The following ZKSCAN3 variants were observed in gnomAD, a reference collection of about 807,000 sequenced individuals.
ZKSCAN3 encodes zinc finger with KRAB and SCAN domains 3.
Under a neutral mutation model 30.7 loss-of-function variants are expected in ZKSCAN3, and 21 were observed. The ratio of observed to expected loss-of-function variants is 0.68; its 90% confidence interval spans 0.49 to 0.99. ZKSCAN3 has a LOEUF of 0.99. Ranked by LOEUF, ZKSCAN3 falls within the 50% of genes least tolerant of loss-of-function variation. The pLI is 0.00. For missense variants in ZKSCAN3, 507 were observed against 647.1 expected (o/e 0.78, Z 2.35); for synonymous variants, 201 against 246.7 (o/e 0.81, Z 1.73).
At chr6:28,364,919 G>T (rs924581328) in intron 5 of ZKSCAN3, among the ~76,000 whole-genome samples, 1 of 151,934 alleles carries the variant, frequency 6.6e-6, no homozygotes, top group African/African-American at 2.4e-5. Flanking sequence ...ATAGAGATGG[G>T]GTTTCACCAT....
intron 4 of ZKSCAN3, 113 bp downstream of exon 4, chr6:28,363,498 C>A: frequency 2.3e-6 from 3 of 1,291,196 alleles, no homozygotes; most frequent in South Asian, 1.4e-5. Flanking sequence ...CCATACAGAT[C>A]TCAAATGGGA....
Position 28,366,022 on chromosome 6 carries a change from A to G in ZKSCAN3, c.1354A>G (p.Lys452Glu). 1 of 1,612,898 alleles carries G rather than the reference A, an allele frequency of 6.2e-7. No homozygotes were observed. Among genetic ancestry groups the G allele is most frequent in the African/African-American group, 1.3e-5 (1 of 74,978 alleles). The change falls in exon 6 of 6, where the codon AAA becomes GAA. Residue 452 changes from lysine (K) to glutamate (E), a missense_variant. Transcript: ENST00000252211. ...LRHQRIHTGDKNVQEPEQGEA... is the reference protein window; with the variant it reads ...LRHQRIHTGDENVQEPEQGEA... Reference sequence around the variant, plus strand: ...ACATCAGAGGATCCATACTGGGGATAAAAATGTTCAGGAACCTGAGCAGGG... The same window carrying G: ...ACATCAGAGGATCCATACTGGGGATGAAAATGTTCAGGAACCTGAGCAGGG...
At chr6:28,363,868 A>G (rs1765859659) in intron 5 of ZKSCAN3, 53 bp downstream of exon 5, 2 of 1,597,648 alleles carry the variant, frequency 1.3e-6, no homozygotes, top group African/African-American at 1.3e-5. Context: ...TTCTTTGTAT[A>G]TTAGAACCTG....
Position 28,366,246 on chromosome 6 carries a change from T to C in ZKSCAN3, c.1578T>C (p.His526=), listed in dbSNP as rs1765964402. 1 of 1,550,190 alleles carries C rather than the reference T, an allele frequency of 6.5e-7. No homozygotes were observed. The highest frequency in any genetic ancestry group is 8.7e-7 in the Non-Finnish European group (1 of 1,153,688). ...CCCGAATTTCATACCTTGTTCAACA[T>C]CAGAGAAGCCATGTAGGGAAAAACA... ...GFTRISYLVQ[H]QRSHVGKNIL... Residue 526 remains histidine (H), a synonymous_variant, in exon 6 of 6, where the codon CAT becomes CAC. Transcript: ENST00000252211.
At chr6:28,356,549 C>T (rs1765438036) in intron 1 of ZKSCAN3, among the ~76,000 whole-genome samples, 1 of 152,196 alleles carries the variant, frequency 6.6e-6, no homozygotes, top group South Asian at 2.1e-4. Context: ...TAGGGGGTCT[C>T]TAGGCCCACC....
intron 1 of ZKSCAN3, chr6:28,350,325 A>G (rs1419310529): frequency 2.0e-5 from 3 of 152,182 alleles, no homozygotes; most frequent in Non-Finnish European, 4.4e-5. Flanking sequence ...GACGGGATGC[A>G]TGGGTCACAT....
At chr6:28,354,093 G>C (rs1765256470) in intron 1 of ZKSCAN3, 1 of 380,460 alleles carries the variant, frequency 2.6e-6, no homozygotes, top group Non-Finnish European at 5.2e-6. Flanking sequence ...CACACTTACA[G>C]CTGTACTCCT....
chr6:28,350,015 A>C lies in ZKSCAN3; in HGVS notation c.-115A>C, dbSNP rs1163300876. On this transcript the variant is annotated 5_prime_UTR_variant, in exon 1 of 6. Coordinates refer to ENST00000252211, the MANE Select transcript of ZKSCAN3 (RefSeq NM_024493.4). ...GCCTTCCACTGTGGGGTTAAATCTC[A>C]TCCCGCGGCTCTCCTCCTGTCGGTC... is the stretch of plus-strand genomic sequence containing the variant. The C allele has an allele frequency of 1.3e-5, 2 of 152,192 alleles. No homozygotes were observed. Among genetic ancestry groups the C allele is most frequent in the Admixed American group, 6.6e-5 (1 of 15,266 alleles). 9.4% of individuals were successfully genotyped at this position (152,192 alleles called of 1,614,324 possible).
Position 28,363,741 on chromosome 6 carries a change from C to T in ZKSCAN3, c.683C>T (p.Thr228Ile), listed in dbSNP as rs1270252190. 2 of 1,613,840 alleles carry T rather than the reference C, an allele frequency of 1.2e-6. No homozygotes were observed. Among genetic ancestry groups the T allele is most frequent in the Non-Finnish European group, 1.7e-6 (2 of 1,179,942 alleles). Reference protein sequence around the residue: ...DVALTLTPEWTQQDSSQGNLC... With the variant: ...DVALTLTPEWIQQDSSQGNLC... Reference sequence around the variant, plus strand: ...GCCCTGACCCTCACCCCTGAATGGACACAGCAGGATTCATCTCAGGGGAAT... The same window carrying T: ...GCCCTGACCCTCACCCCTGAATGGATACAGCAGGATTCATCTCAGGGGAAT... The change falls in exon 5 of 6, where the codon ACA becomes ATA. Residue 228 changes from threonine (T) to isoleucine (I), a missense_variant. By Grantham distance (89) the Thr-to-Ile change is moderately conservative (BLOSUM62 -1). Transcript: ENST00000252211.
intron 1 of ZKSCAN3, 27 bp from the exon 2 acceptor site, chr6:28,359,498 G>T: frequency 6.6e-7 from 1 of 1,513,182 alleles, no homozygotes; most frequent in South Asian, 1.3e-5. Context: ...CAAGTTTACT[G>T]GTTAATAATG....
rs923631136 is a variant in ZKSCAN3 at position 28,359,424 on chromosome 6, A to G, written c.-62-101A>G. On this transcript the variant is annotated intron_variant, in intron 1 of 5. Transcript: ENST00000252211. ...GCTGCAGAACCACTGAACATGGAGA[A>G]ATTTCTGCAGCAGTTCCCCAGAGAT... 7.0e-6 allele frequency: 6 copies of G among 860,442 alleles called. No homozygotes were observed. The African/African-American group carries it at 1.0e-4, about 15-fold the overall frequency. The allele number at this position is 860,442 out of a possible 1,614,324, so 53.3% of individuals were successfully genotyped here. A position where few individuals can be genotyped will look rare whatever the true frequency, so the allele number is the denominator to read the frequency against.
chr6:28,359,998 A>G lies in ZKSCAN3; in HGVS notation c.402+10A>G, dbSNP rs1266222685. 1 of 1,614,170 alleles carries G rather than the reference A, an allele frequency of 6.2e-7. No homozygotes were observed. The highest frequency in any genetic ancestry group is 1.1e-5 in the South Asian group (1 of 91,080). On this transcript the variant is annotated intron_variant, in intron 2 of 5. Transcript: ENST00000252211. ...TGAGCCGGCGCCGCAGGTAGAAAGA[A>G]CAGGTTTAGTATCTGAGCGCTGTGG...
In ZKSCAN3 at chr6:28,361,452, C is replaced by A; in HGVS notation, c.531C>A (p.Ser177=). ...KALLKHESVG[S]QPLQDRVLQV... is the part of the protein sequence containing the mutation. The stretch of plus-strand genomic sequence containing the variant: ...TGCTCAAGCATGAATCTGTGGGATC[C>A]CAGCCTTTACAAGATAGAGGTAAGG... Residue 177 remains serine, a synonymous_variant, in exon 3 of 6, where the codon TCC becomes TCA. Transcript: ENST00000252211. 2 of 1,611,530 alleles carry A rather than the reference C, an allele frequency of 1.2e-6. No homozygotes were observed. The highest frequency in any genetic ancestry group is 1.7e-6 in the Non-Finnish European group (2 of 1,179,338).
chr6:28,354,076 C>A (rs1268688792), intron 1 of ZKSCAN3: 2 of 405,616 alleles, frequency 4.9e-6, no homozygotes, highest in Non-Finnish European at 9.9e-6. Flanking sequence ...GTGGCTCCTG[C>A]CGCTCCCACA....
At chr6:28,362,553 C>A (rs969729564) in intron 3 of ZKSCAN3, among the ~76,000 whole-genome samples, 26 of 152,046 alleles carry the variant, frequency 1.7e-4, no homozygotes, top group African/African-American at 5.8e-4. Flanking sequence ...TAGCCTAAAC[C>A]ACCTGTTTTG....
In ZKSCAN3 at chr6:28,363,638, C is replaced by G. The variant is rs1424150408; in HGVS notation, c.634-54C>G. The G allele has an allele frequency of 2.1e-5, 33 of 1,608,790 alleles. No individual in the cohort carries two copies. In the Admixed American group the frequency reaches 4.5e-4, roughly 22 times the overall value. On this transcript the variant is annotated intron_variant, in intron 4 of 5. Transcript: ENST00000252211. ...CCTGGGGGTGCTTCCCAGATCTTCC[C>G]CACTCCACCATTTTGGTCAGCCCCT...
Position 28,365,634 on chromosome 6 carries a change from T to A in ZKSCAN3, c.966T>A (p.Ser322Arg). ...RRHICHECGK[S>R]FAQSSGLSKH... ...ACATCTGCCATGAATGTGGAAAGAG[T>A]TTTGCTCAAAGCTCAGGCCTGAGTA... The change falls in exon 6 of 6, where the codon AGT (serine) becomes AGA (arginine). Residue 322 changes from serine to arginine, a missense_variant. Ser to Arg is a moderately radical substitution (Grantham distance 110, BLOSUM62 -1). Coordinates refer to ENST00000252211, the MANE Select transcript of ZKSCAN3 (RefSeq NM_024493.4). 6.2e-7 allele frequency: 1 copy of A among 1,613,866 alleles called. No individual in the cohort carries two copies. Among genetic ancestry groups the A allele is most frequent in the Non-Finnish European group, 8.5e-7 (1 of 1,179,992 alleles).
intron 5 of ZKSCAN3, among the ~76,000 whole-genome samples, chr6:28,364,670 T>G (rs1157333294): frequency 3.3e-5 from 5 of 152,168 alleles, no homozygotes; most frequent in Non-Finnish European, 1.5e-5. Flanking sequence ...ACAACTGTCT[T>G]TATCGTATCA....
intron 5 of ZKSCAN3, 144 bp from the exon 6 acceptor site, chr6:28,365,282 C>A (rs1765915144): frequency 8.3e-7 from 1 of 1,208,418 alleles, no homozygotes; most frequent in Non-Finnish European, 1.2e-6. Context: ...TCCTGTTCTC[C>A]CCTTTTATTC....
Sources: allele counts gnomAD v4.1 joint callset (sites outside exome capture counted in the v4.1 genomes callset), GRCh38; gene constraint gnomAD v4.1.1; transcripts MANE v1.5; gene names NCBI Gene and HGNC (gene_info 2026-07-23, HGNC 2026-07-21).